Variants in KIF26B observed in about 807,000 individuals in gnomAD.
KIF26B encodes the protein kinesin-like protein KIF26B.
A neutral mutation model predicts 151.2 loss-of-function variants in KIF26B; 63 were observed. The observed-to-expected ratio is 0.42, with a 90% CI of 0.34 to 0.51. The LOEUF is 0.51. Ranked by LOEUF, KIF26B falls within the 20% of genes least tolerant of loss-of-function variation. The pLI, the probability that KIF26B is intolerant of heterozygous loss-of-function variation, is 0.07. For synonymous variants in KIF26B, 1,357 were observed against 1,262.1 expected (o/e 1.08, Z -1.59); for missense variants, 2,813 against 2,913.6 (o/e 0.97, Z 0.79).
intron 2 of KIF26B, among the ~76,000 whole-genome samples, chr1:245,354,250 T>C (rs1672632457): frequency 6.6e-6 from 1 of 152,212 alleles, no homozygotes. Flanking sequence ...TTATCGTGGC[T>C]TTTGTTTTGC....
At chr1:245,303,362 C>T (rs1221710529) in intron 2 of KIF26B, among the ~76,000 whole-genome samples, 2 of 151,016 alleles carry the variant, frequency 1.3e-5, no homozygotes, top group Non-Finnish European at 2.9e-5. Flanking sequence ...CCACGCCCGG[C>T]TAATTTTTTG....
chr1:245,589,351 A>G (rs2043261502), intron 5 of KIF26B, among the ~76,000 whole-genome samples: 2 of 152,160 alleles, frequency 1.3e-5, no homozygotes, highest in Non-Finnish European at 1.5e-5. Flanking sequence ...GTGATCTCGC[A>G]GGCTGGCAAG....
intron 2 of KIF26B, among the ~76,000 whole-genome samples, 172 bp downstream of exon 2, chr1:245,156,855 T>G (rs999192934): frequency 6.6e-6 from 1 of 152,096 alleles, no homozygotes; most frequent in African/African-American, 2.4e-5. Context: ...GGGCGACCCA[T>G]GCCCCTTCCT....
chr1:245,266,056 A>G (rs1359772687), intron 2 of KIF26B, among the ~76,000 whole-genome samples: 1 of 152,240 alleles, frequency 6.6e-6, no homozygotes, highest in Non-Finnish European at 1.5e-5. Flanking sequence ...TATTTGCAAT[A>G]TATATAACTG....
intron 3 of KIF26B, among the ~76,000 whole-genome samples, chr1:245,406,052 T>C (rs914755315): frequency 6.6e-6 from 1 of 152,202 alleles, no homozygotes; most frequent in East Asian, 1.9e-4. Context: ...AGTCGGGGCA[T>C]TTTTTAGAGA....
At chr1:245,248,157 G>A (rs1670371010) in intron 2 of KIF26B, among the ~76,000 whole-genome samples, 1 of 151,784 alleles carries the variant, frequency 6.6e-6, no homozygotes, top group African/African-American at 2.4e-5. Flanking sequence ...AATGCTGGTA[G>A]TATACTTTTA....
intron 4 of KIF26B, among the ~76,000 whole-genome samples, chr1:245,472,687 C>T (rs1233738100): frequency 2.6e-5 from 4 of 152,204 alleles, no homozygotes; most frequent in Non-Finnish European, 5.9e-5. Context: ...GGTTGGCCGT[C>T]TTTCTCTGGC....
At chr1:245,369,423 C>T (rs977693789) in intron 3 of KIF26B, among the ~76,000 whole-genome samples, 1 of 152,210 alleles carries the variant, frequency 6.6e-6, no homozygotes, top group African/African-American at 2.4e-5. Context: ...GTTCATGTCT[C>T]TTGCTATCTT....
intron 3 of KIF26B, among the ~76,000 whole-genome samples, chr1:245,373,932 C>T (rs1240544765): frequency 6.7e-6 from 1 of 149,716 alleles, no homozygotes; most frequent in African/African-American, 2.5e-5. Context: ...TGGTGGCATG[C>T]CTGTAGTCCC....
intron 4 of KIF26B, among the ~76,000 whole-genome samples, chr1:245,524,418 A>G (rs1661193193): frequency 6.6e-6 from 1 of 152,130 alleles, no homozygotes; most frequent in Non-Finnish European, 1.5e-5. Context: ...TATTATTCTT[A>G]CCCAATAAAG....
At chr1:245,520,518 AT>A in intron 4 of KIF26B, among the ~76,000 whole-genome samples, 1 of 174 alleles carries the variant, frequency 5.7e-3, no homozygotes, top group Non-Finnish European at 0.014. Context: ...CTATTCATCC[AT>A]CCATCCATCC....
chr1:245,640,160 T>A (rs12737900), intron 9 of KIF26B, among the ~76,000 whole-genome samples: 7 of 54,850 alleles, frequency 1.3e-4, no homozygotes, highest in African/African-American at 5.1e-4. Context: ...TATATATATA[T>A]ACCCTGCTAT....
At chr1:245,381,366 G>C (rs773418148) in intron 3 of KIF26B, among the ~76,000 whole-genome samples, 3 of 152,218 alleles carry the variant, frequency 2.0e-5, no homozygotes, top group Non-Finnish European at 2.9e-5. Context: ...TCATTTTTAA[G>C]TGTACAGTTC....
At chr1:245,175,498 T>C (rs934143291) in intron 2 of KIF26B, among the ~76,000 whole-genome samples, 18 of 152,124 alleles carry the variant, frequency 1.2e-4, no homozygotes, top group Non-Finnish European at 2.1e-4. Context: ...ACAGGCATGG[T>C]TGCCTGTTTA....
rs1398652855 is a variant in KIF26B, at chr1:245,244,789, CACAG to C, written c.465+88108_465+88111del. ...ACACACACACACACACACACACACA[CACAG>C]AACTGCTTTGGACTTGGATACTTCC... On this transcript the variant is annotated intron_variant, in intron 2 of 14. Coordinates refer to ENST00000407071, the MANE Select transcript of KIF26B (RefSeq NM_018012.4). The surrounding 1 kb of genome is among the most constrained non-coding windows in gnomAD (Gnocchi z 4.2). Among the ~76,000 whole-genome samples the C allele has an allele frequency of 6.6e-6, 1 of 150,846 alleles. No individual in the cohort carries two copies. The highest frequency in any genetic ancestry group is 2.5e-5 in the African/African-American group (1 of 40,448).
At chr1:245,258,828 T>C (rs1296566662) in intron 2 of KIF26B, among the ~76,000 whole-genome samples, 1 of 152,120 alleles carries the variant, frequency 6.6e-6, no homozygotes, top group Admixed American at 6.5e-5. Context: ...GCAGAAGTGA[T>C]GGCTGCTGAC....
chr1:245,220,644 T>C (rs1045219740), intron 2 of KIF26B, among the ~76,000 whole-genome samples: 1 of 152,178 alleles, frequency 6.6e-6, no homozygotes, highest in African/African-American at 2.4e-5. Flanking sequence ...ATCCATTCTT[T>C]AAGGCATTAA....
At chr1:245,583,301 T>C (rs1331005016) in intron 5 of KIF26B, among the ~76,000 whole-genome samples, 3 of 152,162 alleles carry the variant, frequency 2.0e-5, no homozygotes, top group African/African-American at 7.2e-5. Flanking sequence ...GCTGGGCTTG[T>C]GGAGATGAGT....
chr1:245,478,451 G>T (rs538768890), intron 4 of KIF26B, among the ~76,000 whole-genome samples: 1 of 94,392 alleles, frequency 1.1e-5, no homozygotes, highest in Non-Finnish European at 2.2e-5. Context: ...TTTTTGAGAC[G>T]GAGTCTTGCT....
Sources: gnomAD v4.1 joint callset for allele counts (sites outside exome capture counted in the v4.1 genomes callset) on GRCh38, gnomAD v4.1.1 for gene constraint, Gnocchi (gnomAD v3.1) non-coding constraint, MANE v1.5 for transcripts, NCBI Gene and HGNC (gene_info 2026-07-23, HGNC 2026-07-21) for gene names.